The following SLA variants were observed in gnomAD, a reference collection of about 807,000 sequenced individuals.
SLA encodes src-like-adapter.
A neutral mutation model predicts 30.3 loss-of-function variants in SLA; 16 were observed. The ratio of observed to expected loss-of-function variants is 0.53; its 90% CI spans 0.36 to 0.80. The LOEUF is 0.80. Among genes scored for constraint, SLA ranks in the 30% least tolerant of loss-of-function variants. The pLI, the probability that SLA is intolerant of heterozygous loss-of-function variation, is 0.01. For missense variants in SLA, 310 were observed against 345.2 expected, an observed-to-expected ratio of 0.90 and a Z score of 0.81; for synonymous variants, 143 against 137.8, an observed-to-expected ratio of 1.04 and a Z score of -0.26.
intron 3 of SLA, among the ~76,000 whole-genome samples, chr8:133,059,348 C>A (rs1842033208): frequency 6.6e-6 from 1 of 152,162 alleles, no homozygotes; most frequent in African/African-American, 2.4e-5. Context: ...AAAGGTCAGG[C>A]CATTAGAAGG....
intron 7 of SLA, among the ~76,000 whole-genome samples, chr8:133,043,881 C>A (rs1160417746): frequency 6.6e-6 from 1 of 152,232 alleles, no homozygotes; most frequent in African/African-American, 2.4e-5. Flanking sequence ...AAAGCAAAAG[C>A]AACCTCTTTC....
intron 3 of SLA, among the ~76,000 whole-genome samples, chr8:133,053,198 A>G (rs1323141988): frequency 6.6e-6 from 1 of 152,094 alleles, no homozygotes; most frequent in Non-Finnish European, 1.5e-5. Context: ...TTCCTGCTGT[A>G]CTAATTCTTC....
At chr8:133,068,410 T>G (rs1242177969) in intron 2 of SLA, among the ~76,000 whole-genome samples, 3 of 152,206 alleles carry the variant, frequency 2.0e-5, no homozygotes, top group Non-Finnish European at 2.9e-5. Context: ...GGTGTCCTAG[T>G]GTACATTTTA....
chr8:133,058,952 C>A, intron 3 of SLA: 1 of 480,206 alleles, frequency 2.1e-6, no homozygotes, highest in Non-Finnish European at 4.2e-6. Context: ...GGCATGCTGG[C>A]TTGGGGGCAT....
chr8:133,068,732 C>T (rs1287808396), intron 2 of SLA, among the ~76,000 whole-genome samples: 2 of 152,160 alleles, frequency 1.3e-5, no homozygotes, highest in African/African-American at 2.4e-5. Context: ...CATACGGAGG[C>T]GGGCAGCAGA....
chr8:133,053,173 A>G (rs1235041958), intron 3 of SLA, among the ~76,000 whole-genome samples: 1 of 152,152 alleles, frequency 6.6e-6, no homozygotes, highest in Non-Finnish European at 1.5e-5. Context: ...CAGAGGCTCC[A>G]GAGGAGGCTC....
At chr8:133,059,411 C>T (rs1842042301) in intron 3 of SLA, among the ~76,000 whole-genome samples, 2 of 152,180 alleles carry the variant, frequency 1.3e-5, no homozygotes, top group Non-Finnish European at 2.9e-5. Context: ...AGCCTTTTCC[C>T]TTTGTTCACT....
intron 1 of SLA, among the ~76,000 whole-genome samples, chr8:133,082,135 C>T (rs10100508): frequency 0.26 from 39,023 of 152,076 alleles, 5,314 homozygotes; most frequent in African/African-American, 0.31. Context: ...GTGTACGGTG[C>T]TGGTGTTGGT....
intron 3 of SLA, among the ~76,000 whole-genome samples, chr8:133,052,422 T>C (rs1169472277): frequency 3.3e-5 from 5 of 152,078 alleles, no homozygotes; most frequent in Admixed American, 3.3e-4. Flanking sequence ...GGCTTTACAA[T>C]ATGGAAAGGG....
intron 7 of SLA, 42 bp downstream of exon 7, chr8:133,044,942 G>A: frequency 6.2e-7 from 1 of 1,608,538 alleles, no homozygotes; most frequent in Non-Finnish European, 8.5e-7. Flanking sequence ...TAGCTAAGAG[G>A]GGTCCCACCA....
chr8:133,062,739 G>A (rs895036632), intron 2 of SLA, among the ~76,000 whole-genome samples: 9 of 152,104 alleles, frequency 5.9e-5, no homozygotes, highest in South Asian at 2.1e-4. Flanking sequence ...GGAAGCATGG[G>A]TGTGACATGC....
At chr8:133,095,055 A>G in intron 1 of SLA, 1 of 1,612,778 alleles carries the variant, frequency 6.2e-7, no homozygotes, top group Non-Finnish European at 8.5e-7. Context: ...GAGGCTCCGC[A>G]CTCTCCCCGG....
At chr8:133,093,361 T>A (rs577626343) in intron 1 of SLA, among the ~76,000 whole-genome samples, 3 of 149,454 alleles carry the variant, frequency 2.0e-5, no homozygotes, top group East Asian at 3.9e-4. Flanking sequence ...TTCTTCTCTC[T>A]CTTTTAAAAA....
At chr8:133,079,728 A>G (rs1845459182) in intron 1 of SLA, among the ~76,000 whole-genome samples, 1 of 152,192 alleles carries the variant, frequency 6.6e-6, no homozygotes, top group Non-Finnish European at 1.5e-5. Flanking sequence ...GGAAGAAGGA[A>G]AAGGCAGTCT....
In SLA at chr8:133,037,438, A is replaced by T. The variant is rs1461542623; in HGVS notation, c.*1086T>A. 1 of 152,174 alleles carries T rather than the reference A, an allele frequency of 6.6e-6. No homozygotes were observed. Among genetic ancestry groups the T allele is most frequent in the African/African-American group, 2.4e-5 (1 of 41,432 alleles). The allele number at this position is 152,174 out of a possible 1,614,324, so 9.4% of individuals were successfully genotyped here. A position where few individuals can be genotyped will look rare whatever the true frequency, so the allele number is the denominator to read the frequency against. On this transcript the variant is annotated 3_prime_UTR_variant, in exon 9 of 9. Coordinates refer to ENST00000338087, the MANE Select transcript of SLA (RefSeq NM_001045556.3). ...GACTGTATCCATTTCTTTTCTAAAA[A>T]ATCCAGCTATTCTTACCTACCCGAT... is the stretch of plus-strand genomic sequence containing the variant.
intron 2 of SLA, 51 bp downstream of exon 2, chr8:133,074,802 A>C: frequency 1.0e-6 from 1 of 956,208 alleles, no homozygotes. Flanking sequence ...CGTGTTGAAG[A>C]GGCCCTGAAG....
At chr8:133,093,795 G>A (rs1164418323) in intron 1 of SLA, among the ~76,000 whole-genome samples, 1 of 152,170 alleles carries the variant, frequency 6.6e-6, no homozygotes, top group East Asian at 1.9e-4. Flanking sequence ...GTGGCTCAGT[G>A]TTTGGCCGCT....
chr8:133,039,910 A>G, intron 8 of SLA, 88 bp downstream of exon 8: 1 of 1,500,120 alleles, frequency 6.7e-7, no homozygotes, highest in Non-Finnish European at 8.9e-7. Context: ...TGTGCTCGGC[A>G]CACACACCGT....
intron 2 of SLA, among the ~76,000 whole-genome samples, chr8:133,072,487 T>A (rs995390476): frequency 1.3e-5 from 2 of 152,226 alleles, no homozygotes; most frequent in Admixed American, 1.3e-4. Context: ...GATGGACAGA[T>A]AAATGTATGA....
Sources: allele counts gnomAD v4.1 joint callset (sites outside exome capture counted in the v4.1 genomes callset), GRCh38; gene constraint gnomAD v4.1.1; transcripts MANE v1.5; gene names NCBI Gene and HGNC (gene_info 2026-07-23, HGNC 2026-07-21).